Variants in WWOX observed in about 807,000 individuals in gnomAD.
The protein encoded by WWOX is WW domain-containing oxidoreductase.
Under a neutral mutation model 46.2 loss-of-function variants are expected in WWOX, and 69 were observed. That is an observed-to-expected ratio of 1.49 (90% CI 1.23 to 1.82). WWOX has a LOEUF of 1.82. Ranked by LOEUF, WWOX falls within the 40% of genes most tolerant of loss-of-function variation. The pLI is 0.00. For missense variants in WWOX, 919 were observed against 542.6 expected, an observed-to-expected ratio of 1.69 and a Z score of -6.89; for synonymous variants, 359 against 202.6, an observed-to-expected ratio of 1.77 and a Z score of -6.56.
chr16:78,911,658 G>T (rs927803245), intron 8 of WWOX, among the ~76,000 whole-genome samples: 1 of 151,948 alleles, frequency 6.6e-6, no homozygotes, highest in Non-Finnish European at 1.5e-5. Context: ...TTGAAGTCAG[G>T]AGTTTGAGAC....
At chr16:78,917,347 A>C (rs2045275957) in intron 8 of WWOX, among the ~76,000 whole-genome samples, 1 of 152,174 alleles carries the variant, frequency 6.6e-6, no homozygotes, top group Non-Finnish European at 1.5e-5. Flanking sequence ...ACTCAAATAA[A>C]CATCCTTTAA....
intron 5 of WWOX, among the ~76,000 whole-genome samples, chr16:78,367,919 G>A (rs1025568710): frequency 2.0e-5 from 3 of 152,082 alleles, no homozygotes; most frequent in East Asian, 1.9e-4. Context: ...ACCACACCCC[G>A]CTAATTTTTG....
At chr16:78,555,880 C>T (rs374698151) in intron 8 of WWOX, among the ~76,000 whole-genome samples, 20 of 152,132 alleles carry the variant, frequency 1.3e-4, no homozygotes, top group East Asian at 9.7e-4. Flanking sequence ...TCTGCAGAAT[C>T]GTGATGTCTC....
At chr16:79,205,537 C>T (rs535548802) in intron 8 of WWOX, 2 of 152,336 alleles carry the variant, frequency 1.3e-5, no homozygotes, top group South Asian at 4.1e-4. Flanking sequence ...AGAACACTTT[C>T]TCACACTTCT....
intron 1 of WWOX, among the ~76,000 whole-genome samples, chr16:78,104,231 AACACACACACACAC>A (rs376622174): frequency 8.2e-4 from 107 of 130,222 alleles, no homozygotes; most frequent in African/African-American, 2.1e-3. Flanking sequence ...CTGTGCTCAA[AACACACACACACAC>A]ACACACACAC....
At chr16:78,193,167 A>G (rs937695133) in intron 5 of WWOX, among the ~76,000 whole-genome samples, 2 of 152,248 alleles carry the variant, frequency 1.3e-5, no homozygotes, top group South Asian at 2.1e-4. Context: ...ATATTGTCAT[A>G]TATCAATGGC....
At chr16:78,896,464 A>T (rs1004105203) in intron 8 of WWOX, 1 of 152,154 alleles carries the variant, frequency 6.6e-6, no homozygotes, top group African/African-American at 2.4e-5. Context: ...TTGTGAGGCC[A>T]GCGTTGCTTC....
At chr16:78,534,606 C>T (rs2043712210) in intron 8 of WWOX, 1 of 152,140 alleles carries the variant, frequency 6.6e-6, no homozygotes, top group Non-Finnish European at 1.5e-5. Context: ...GAAGATGGCC[C>T]CTATGGAGGT....
chr16:79,057,737 T>A (rs1015797159), intron 8 of WWOX, among the ~76,000 whole-genome samples: 4 of 152,198 alleles, frequency 2.6e-5, no homozygotes, highest in East Asian at 3.9e-4. Context: ...ATAGGCAAGG[T>A]AGAAGACATA....
chr16:78,780,042 A>G (rs2050285572), intron 8 of WWOX, among the ~76,000 whole-genome samples: 1 of 152,194 alleles, frequency 6.6e-6, no homozygotes, highest in Non-Finnish European at 1.5e-5. Context: ...TAGAAGCCAT[A>G]TGGATACTTT....
At chr16:78,674,013 C>G (rs1229082879) in intron 8 of WWOX, among the ~76,000 whole-genome samples, 2 of 151,966 alleles carry the variant, frequency 1.3e-5, no homozygotes, top group Non-Finnish European at 2.9e-5. Flanking sequence ...CAAGAGACCG[C>G]TTGAAATTTT....
chr16:78,121,276 A>G (rs2033080465), intron 4 of WWOX, among the ~76,000 whole-genome samples: 1 of 152,228 alleles, frequency 6.6e-6, no homozygotes, highest in Non-Finnish European at 1.5e-5. Flanking sequence ...TGTGCCTACT[A>G]TTATCTTATG....
chr16:78,802,931 AAAAAAAAAAAACAAC>A (rs1429599803), intron 8 of WWOX, among the ~76,000 whole-genome samples: 2,148 of 106,644 alleles, frequency 0.02, 248 homozygotes, highest in Non-Finnish European at 0.028. Context: ...AAAAAAAAAA[AAAAAAAAAAAACAAC>A]AAACAGAAAA....
At chr16:78,373,147 G>C (rs1180655247) in intron 5 of WWOX, among the ~76,000 whole-genome samples, 2 of 152,060 alleles carry the variant, frequency 1.3e-5, no homozygotes, top group Non-Finnish European at 2.9e-5. Flanking sequence ...AAGCAGCGTG[G>C]AGCAGCCAGC....
chr16:78,943,493 A>G (rs1159970391), intron 8 of WWOX, among the ~76,000 whole-genome samples: 1 of 152,222 alleles, frequency 6.6e-6, no homozygotes, highest in African/African-American at 2.4e-5. Flanking sequence ...CAGCTGAGTT[A>G]TCAGATCTTC....
chr16:78,406,499 TG>T (rs1423839603), intron 6 of WWOX, among the ~76,000 whole-genome samples: 5 of 150,244 alleles, frequency 3.3e-5, no homozygotes, highest in Non-Finnish European at 7.4e-5. Context: ...ACTACAGGCA[TG>T]TGCTACCACA....
Position 79,211,899 on chromosome 16 carries a change from G to A in WWOX, c.*103G>A, listed in dbSNP as rs755934387. On this transcript the variant is annotated 3_prime_UTR_variant, in exon 9 of 9. Transcript: ENST00000566780. The stretch of plus-strand genomic sequence containing the variant: ...CCAAATGTCCCTCCAACACAGATCC[G>A]CAAGAGTAAAGGAAATAAGAGCAGT... The A allele has an allele frequency of 4.4e-5, 68 of 1,560,022 alleles. No individual in the cohort carries two copies. The highest frequency in any genetic ancestry group is 2.5e-4 in the South Asian group (22 of 86,326).
chr16:78,876,505 G>C (rs1199138706), intron 8 of WWOX, among the ~76,000 whole-genome samples: 1 of 150,814 alleles, frequency 6.6e-6, no homozygotes, highest in Non-Finnish European at 1.5e-5. Flanking sequence ...TCAAGGGTAA[G>C]ATCTGCTGTC....
chr16:78,479,078 C>G (rs2084425225), intron 8 of WWOX, among the ~76,000 whole-genome samples: 1 of 152,064 alleles, frequency 6.6e-6, no homozygotes, highest in Non-Finnish European at 1.5e-5. Context: ...TCAGATTTAG[C>G]ATTACTGTTT....
Sources: allele counts gnomAD v4.1 joint callset (sites outside exome capture counted in the v4.1 genomes callset), GRCh38; gene constraint gnomAD v4.1.1; transcripts MANE v1.5; gene names NCBI Gene and HGNC (gene_info 2026-07-23, HGNC 2026-07-21).